GFRA2: variants seen among roughly 807,000 people sequenced by gnomAD.
The protein encoded by GFRA2 is GDNF family receptor alpha 2.
A neutral mutation model predicts 48.3 loss-of-function variants in GFRA2; 17 were observed. The observed-to-expected ratio is 0.35, with a 90% confidence interval of 0.24 to 0.53. The LOEUF is 0.53. GFRA2 is among the 20% of genes least tolerant of loss of function. The probability of loss-of-function intolerance (pLI) is 0.93; values close to 1 mark genes in which losing one functional copy is unlikely to be tolerated. For missense variants in GFRA2, 660 were observed against 637.3 expected, an observed-to-expected ratio of 1.04 and a Z score of -0.38; for synonymous variants, 305 against 257.2, an observed-to-expected ratio of 1.19 and a Z score of -1.78.
At chr8:21,731,378 A>G (rs1166912480) in intron 4 of GFRA2, among the ~76,000 whole-genome samples, 1 of 152,184 alleles carries the variant, frequency 6.6e-6, no homozygotes, top group African/African-American at 2.4e-5. Context: ...GAAACAGAGG[A>G]ATCTTGGGAG....
intron 2 of GFRA2, among the ~76,000 whole-genome samples, chr8:21,775,325 C>T (rs949838239): frequency 6.6e-6 from 1 of 152,214 alleles, no homozygotes; most frequent in Non-Finnish European, 1.5e-5. Context: ...GCTTCTCTCT[C>T]GTGACCACCC....
At chr8:21,759,619 T>G (rs1043218235) in intron 3 of GFRA2, among the ~76,000 whole-genome samples, 5 of 151,478 alleles carry the variant, frequency 3.3e-5, no homozygotes, top group African/African-American at 9.7e-5. Flanking sequence ...CTGGGTGCAG[T>G]GCTTCACACC....
chr8:21,790,424 T>C (rs887506361), upstream of GFRA2, among the ~76,000 whole-genome samples: 1 of 152,200 alleles, frequency 6.6e-6, no homozygotes, highest in African/African-American at 2.4e-5. Flanking sequence ...TGGAATCCAG[T>C]AAATGCTAGA....
intron 4 of GFRA2, among the ~76,000 whole-genome samples, chr8:21,718,725 G>A (rs761499577): frequency 3.9e-5 from 6 of 152,160 alleles, no homozygotes; most frequent in South Asian, 4.1e-4. Context: ...AGTGGTAATC[G>A]AACAGTTCTC....
intron 4 of GFRA2, among the ~76,000 whole-genome samples, chr8:21,735,690 C>A (rs1804423553): frequency 6.6e-6 from 1 of 152,204 alleles, no homozygotes; most frequent in African/African-American, 2.4e-5. Flanking sequence ...GAGACAGGGT[C>A]TGTACTCTGT....
At chr8:21,726,515 C>T (rs1803877412) in intron 4 of GFRA2, among the ~76,000 whole-genome samples, 2 of 152,148 alleles carry the variant, frequency 1.3e-5, no homozygotes, top group Admixed American at 6.5e-5. Context: ...GTTGGCAGGG[C>T]CTTGCCTCCT....
At chr8:21,784,383 G>A (rs1477230627) in intron 1 of GFRA2, 22 of 455,666 alleles carry the variant, frequency 4.8e-5, no homozygotes, top group Middle Eastern at 3.2e-4. Flanking sequence ...ACTCCATCTC[G>A]CCTCAGAACA....
At chr8:21,725,566 A>G (rs1803826544) in intron 4 of GFRA2, among the ~76,000 whole-genome samples, 1 of 152,268 alleles carries the variant, frequency 6.6e-6, no homozygotes, top group Admixed American at 6.5e-5. Flanking sequence ...AACTCAAAAT[A>G]AATAATAATA....
chr8:21,729,851 C>T (rs553364521), intron 4 of GFRA2, among the ~76,000 whole-genome samples: 39 of 152,328 alleles, frequency 2.6e-4, no homozygotes, highest in African/African-American at 8.7e-4. Flanking sequence ...CACATCCCGC[C>T]CTGACCTGCC....
intron 1 of GFRA2, among the ~76,000 whole-genome samples, chr8:21,783,979 G>A (rs897798615): frequency 6.7e-6 from 1 of 150,262 alleles, no homozygotes; most frequent in Non-Finnish European, 1.5e-5. Context: ...CTCTTATTTT[G>A]TTCTTCCTTC....
At chr8:21,736,463 G>T (rs1383481394) in intron 4 of GFRA2, among the ~76,000 whole-genome samples, 1 of 152,008 alleles carries the variant, frequency 6.6e-6, no homozygotes, top group Non-Finnish European at 1.5e-5. Flanking sequence ...ATAATTTCTA[G>T]TTTCTTTAGG....
At position 21,693,912 on chromosome 8, in the gene GFRA2, C is replaced by A. The variant is rs534276809; in HGVS notation, c.1273-512G>T. ...TCCCTGAACATCTTTGTCTGAGTTT[C>A]TCTTTCTTCTGTGAGGTCTCACACT... is the stretch of plus-strand genomic sequence containing the variant. On this transcript the variant is annotated intron_variant, in intron 8 of 8. Coordinates refer to ENST00000524240, the MANE Select transcript of GFRA2 (RefSeq NM_001495.5). Among the ~76,000 whole-genome samples the A allele has an allele frequency of 8.1e-5, 11 of 135,074 alleles. No homozygotes were observed. The South Asian group carries it at 2.2e-3, about 27-fold the overall frequency. The allele number at this position is 135,074 out of a possible 152,430, so 88.6% of individuals were successfully genotyped here. A position where few individuals can be genotyped will look rare whatever the true frequency, so the allele number is the denominator to read the frequency against.
chr8:21,705,024 C>G lies in GFRA2; in HGVS notation c.1006G>C (p.Glu336Gln). 6.2e-7 allele frequency: 1 copy of G among 1,610,816 alleles called. No individual in the cohort carries two copies. Residue 336 changes from glutamate to glutamine, a missense_variant, in exon 6 of 9, where the codon GAG becomes CAG. By Grantham distance (29) the Glu-to-Gln change is conservative. Transcript: ENST00000524240. The stretch of plus-strand genomic sequence containing the variant: ...TCGGTGAAGTCCCTGAGGAACTTCT[C>G]ACACTCCTCCTCCATGTTCCCGCTG... ...RGSGNMEEEC[E>Q]KFLRDFTENP...
At chr8:21,761,279 T>C (rs1805897836) in intron 3 of GFRA2, among the ~76,000 whole-genome samples, 1 of 152,218 alleles carries the variant, frequency 6.6e-6, no homozygotes, top group Non-Finnish European at 1.5e-5. Context: ...CCACTGTGTG[T>C]AAAGTAAGGC....
At chr8:21,734,584 A>AGAG (rs1306374303) in intron 4 of GFRA2, among the ~76,000 whole-genome samples, 1 of 152,178 alleles carries the variant, frequency 6.6e-6, no homozygotes, top group Non-Finnish European at 1.5e-5. Context: ...CAAAGATGGG[A>AGAG]TATCTCCCAA....
chr8:21,717,409 TG>T, intron 4 of GFRA2, among the ~76,000 whole-genome samples: 1 of 152,300 alleles, frequency 6.6e-6, no homozygotes, highest in South Asian at 2.1e-4. Flanking sequence ...ATAGAGTTTA[TG>T]CCCCCCGGTT....
At chr8:21,788,039 G>GC (rs1357946747) in intron 1 of GFRA2, 81 bp downstream of exon 1, 24 of 272,776 alleles carry the variant, frequency 8.8e-5, no homozygotes, top group Middle Eastern at 1.2e-3. Flanking sequence ...CCTCCCGCCA[G>GC]CCCCCCACCG....
intron 3 of GFRA2, among the ~76,000 whole-genome samples, chr8:21,774,733 C>T (rs987064611): frequency 2.6e-5 from 4 of 152,192 alleles, no homozygotes; most frequent in Non-Finnish European, 5.9e-5. Flanking sequence ...AGCCCTACTC[C>T]ATGACAGCCA....
chr8:21,713,790 C>T (rs1251348837), intron 4 of GFRA2, among the ~76,000 whole-genome samples: 2 of 152,164 alleles, frequency 1.3e-5, no homozygotes, highest in Non-Finnish European at 1.5e-5. Flanking sequence ...CTTAACAAGC[C>T]CTCCCAGGGA....
Sources: allele counts gnomAD v4.1 joint callset (sites outside exome capture counted in the v4.1 genomes callset), GRCh38; gene constraint gnomAD v4.1.1; transcripts MANE v1.5; gene names NCBI Gene and HGNC (gene_info 2026-07-23, HGNC 2026-07-21).